Variants in CSNK1G3 observed in about 807,000 individuals in gnomAD.
CSNK1G3 encodes casein kinase 1 gamma 3.
A neutral mutation model predicts 64.3 loss-of-function variants in CSNK1G3; 23 were observed. The observed-to-expected ratio is 0.36, with a 90% CI of 0.26 to 0.51. The LOEUF is 0.51. CSNK1G3 is among the 20% of genes least tolerant of loss of function. The pLI is 0.96. For missense variants in CSNK1G3, 357 were observed against 510.5 expected (o/e 0.70, Z 2.90); for synonymous variants, 158 against 162.2 (o/e 0.97, Z 0.20).
intron 10 of CSNK1G3, 85 bp downstream of exon 10, chr5:123,591,499 G>T: frequency 1.5e-6 from 1 of 681,046 alleles, no homozygotes; most frequent in Non-Finnish European, 2.4e-6. Flanking sequence ...CAGACTGAAG[G>T]ATTGAAAATA....
chr5:123,545,662 A>G, exon 2 of CSNK1G3: 1 of 1,611,092 alleles, frequency 6.2e-7, no homozygotes, highest in Non-Finnish European at 8.5e-7. Flanking sequence ...CGCAAACTTG[A>G]TATGGAAAAT....
intron 10 of CSNK1G3, among the ~76,000 whole-genome samples, chr5:123,603,624 G>A (rs1794859419): frequency 6.6e-6 from 1 of 152,104 alleles, no homozygotes; most frequent in African/African-American, 2.4e-5. Flanking sequence ...CATAATTTCT[G>A]TGCTGTGTCA....
intron 1 of CSNK1G3, among the ~76,000 whole-genome samples, chr5:123,540,786 C>T (rs192505874): frequency 2.4e-4 from 37 of 152,226 alleles, no homozygotes; most frequent in African/African-American, 8.9e-4. Flanking sequence ...GCATGTGCCA[C>T]CACGTCTGGC....
intron 10 of CSNK1G3, among the ~76,000 whole-genome samples, chr5:123,594,065 C>G (rs943774385): frequency 6.6e-6 from 1 of 152,080 alleles, no homozygotes; most frequent in African/African-American, 2.4e-5. Flanking sequence ...AGGTCTGTAA[C>G]TGTGGGGAAG....
chr5:123,598,243 T>G (rs1581381301), intron 10 of CSNK1G3, among the ~76,000 whole-genome samples: 1 of 152,304 alleles, frequency 6.6e-6, no homozygotes, highest in East Asian at 1.9e-4. Flanking sequence ...TAAATATGGC[T>G]GAGAAACTCA....
chr5:123,614,347 G>A (rs749075363), exon 13 of CSNK1G3: 1 of 1,613,166 alleles, frequency 6.2e-7, no homozygotes, highest in South Asian at 1.1e-5. Context: ...TGCAGGTGCT[G>A]CTGTTTTTTC....
At chr5:123,551,591 G>A (rs1783660662) in intron 2 of CSNK1G3, among the ~76,000 whole-genome samples, 1 of 151,928 alleles carries the variant, frequency 6.6e-6, no homozygotes, top group South Asian at 2.1e-4. Context: ...TATAATATTT[G>A]TATAAATAAA....
chr5:123,592,897 G>T (rs996411480), intron 10 of CSNK1G3, among the ~76,000 whole-genome samples: 1 of 151,782 alleles, frequency 6.6e-6, no homozygotes, highest in Non-Finnish European at 1.5e-5. Flanking sequence ...TCTGTATAAA[G>T]AAAGAAATGG....
exon 2 of CSNK1G3, chr5:123,545,725 G>A: frequency 1.9e-6 from 3 of 1,613,534 alleles, no homozygotes; most frequent in Non-Finnish European, 2.5e-6. Context: ...CCTAGTGGTC[G>A]ATCGGGACAC....
intron 4 of CSNK1G3, among the ~76,000 whole-genome samples, chr5:123,558,160 C>T (rs1363750658): frequency 6.6e-6 from 1 of 152,030 alleles, no homozygotes; most frequent in Non-Finnish European, 1.5e-5. Flanking sequence ...TTGATTCAGA[C>T]CAATGAAACT....
chr5:123,513,621 ATTAC>A (rs1239850847), intron 1 of CSNK1G3, among the ~76,000 whole-genome samples: 4 of 152,154 alleles, frequency 2.6e-5, no homozygotes, highest in Non-Finnish European at 5.9e-5. Context: ...ACTTTTTGCA[ATTAC>A]TTAGTCCGAT....
At chr5:123,540,185 G>A (rs1265879900) in intron 1 of CSNK1G3, among the ~76,000 whole-genome samples, 1 of 151,800 alleles carries the variant, frequency 6.6e-6, no homozygotes, top group East Asian at 1.9e-4. Flanking sequence ...TATCCAGTTT[G>A]CCACTGAGTG....
At chr5:123,526,359 T>G (rs1299366932) in intron 1 of CSNK1G3, among the ~76,000 whole-genome samples, 1 of 151,506 alleles carries the variant, frequency 6.6e-6, no homozygotes, top group African/African-American at 2.4e-5. Flanking sequence ...TAGAAATCAA[T>G]TTTTTTTTAA....
intron 10 of CSNK1G3, among the ~76,000 whole-genome samples, chr5:123,595,367 C>T (rs1793226118): frequency 6.6e-6 from 1 of 152,050 alleles, no homozygotes; most frequent in Non-Finnish European, 1.5e-5. Context: ...CTATATGCTA[C>T]AATATTTAAG....
chr5:123,592,938 T>C (rs987465289), intron 10 of CSNK1G3, among the ~76,000 whole-genome samples: 1 of 151,936 alleles, frequency 6.6e-6, no homozygotes, highest in Non-Finnish European at 1.5e-5. Flanking sequence ...TTGTGTTTTA[T>C]AAACCAGAGT....
chr5:123,605,133 A>ATC (rs1323821067), intron 11 of CSNK1G3, among the ~76,000 whole-genome samples: 2 of 152,052 alleles, frequency 1.3e-5, no homozygotes, highest in Non-Finnish European at 2.9e-5. Flanking sequence ...TGTACTATCA[A>ATC]TCTTTTTTCT....
At chr5:123,548,570 T>G (rs1022139304) in intron 2 of CSNK1G3, among the ~76,000 whole-genome samples, 11 of 152,060 alleles carry the variant, frequency 7.2e-5, no homozygotes, top group Non-Finnish European at 1.5e-4. Context: ...TACGTGTGTT[T>G]ATCATTTTTA....
chr5:123,553,316 T>G (rs1784040971), intron 3 of CSNK1G3, among the ~76,000 whole-genome samples, 169 bp downstream of exon 3: 1 of 152,214 alleles, frequency 6.6e-6, no homozygotes, highest in African/African-American at 2.4e-5. Context: ...ATCCTGCTCT[T>G]AAAGTATATG....
intron 1 of CSNK1G3, among the ~76,000 whole-genome samples, chr5:123,513,362 G>C (rs922380126): frequency 6.6e-6 from 1 of 152,116 alleles, no homozygotes; most frequent in East Asian, 1.9e-4. Context: ...CCTGTGTCAT[G>C]GTCATTCCCC....
Sources: allele counts gnomAD v4.1 joint callset (sites outside exome capture counted in the v4.1 genomes callset), GRCh38; gene constraint gnomAD v4.1.1; transcripts MANE v1.5; gene names NCBI Gene and HGNC (gene_info 2026-07-23, HGNC 2026-07-21).